Variants in TGFA observed in about 807,000 individuals in gnomAD.
TGFA encodes transforming growth factor alpha.
In TGFA, 12 loss-of-function variants were observed where a neutral mutation model predicts 21.7. The observed-to-expected ratio is 0.55, with a 90% confidence interval of 0.35 to 0.90. The LOEUF (loss-of-function observed/expected upper bound fraction) is 0.90, where lower values mean the gene tolerates loss of function less well. TGFA is among the 40% of genes least tolerant of loss of function. The pLI is 0.01. For missense variants in TGFA, 178 were observed against 210.8 expected, an observed-to-expected ratio of 0.84 and a Z score of 0.96; for synonymous variants, 79 against 88.1, an observed-to-expected ratio of 0.90 and a Z score of 0.58.
intron 2 of TGFA, among the ~76,000 whole-genome samples, chr2:70,498,430 C>T (rs782250556): frequency 6.6e-6 from 1 of 152,122 alleles, no homozygotes; most frequent in Non-Finnish European, 1.5e-5. Flanking sequence ...AGGTTTGAGG[C>T]ACCAGTTTCA....
chr2:70,518,206 A>T (rs1553501848), intron 1 of TGFA, among the ~76,000 whole-genome samples: 1 of 152,230 alleles, frequency 6.6e-6, no homozygotes, highest in African/African-American at 2.4e-5. Context: ...GGCTTCTAGG[A>T]ATCCCTTCTA....
chr2:70,507,165 G>A (rs374121258), intron 2 of TGFA, among the ~76,000 whole-genome samples: 5 of 152,224 alleles, frequency 3.3e-5, no homozygotes, highest in East Asian at 3.9e-4. Context: ...CGTACTGCCT[G>A]AGCCTCGGAG....
At chr2:70,485,669 C>T (rs1201727732) in intron 2 of TGFA, among the ~76,000 whole-genome samples, 1 of 152,188 alleles carries the variant, frequency 6.6e-6, no homozygotes, top group African/African-American at 2.4e-5. Flanking sequence ...TTTTCCCTCC[C>T]TGCAATTTCA....
intron 2 of TGFA, among the ~76,000 whole-genome samples, chr2:70,472,708 G>T (rs935241394): frequency 1.3e-5 from 2 of 152,196 alleles, no homozygotes; most frequent in Non-Finnish European, 2.9e-5. Context: ...AGCCCTAATT[G>T]GACTTCATGC....
rs186844400 is a variant in TGFA at position 70,513,106 on chromosome 2, T to C, written c.94+1753A>G. ...AAAACACAGGAGGCTTCTTAGCCCA[T>C]GGAGATGCGTGGAGATCATAGTGAC... On this transcript the variant is annotated intron_variant, in intron 2 of 5. Coordinates refer to ENST00000295400, the MANE Select transcript of TGFA (RefSeq NM_003236.4). 1.5e-3 allele frequency among the ~76,000 whole-genome samples: 226 copies of C among 152,276 alleles called. 2 individuals are homozygous for C. Among genetic ancestry groups the C allele is most frequent in the African/African-American group, 5.1e-3 (214 of 41,558 alleles).
chr2:70,517,160 T>A (rs1672308076), intron 1 of TGFA, among the ~76,000 whole-genome samples: 1 of 152,218 alleles, frequency 6.6e-6, no homozygotes, highest in Non-Finnish European at 1.5e-5. Context: ...CACAGAGGTG[T>A]TTTGGGAATG....
chr2:70,531,203 G>A (rs982777701), intron 1 of TGFA, among the ~76,000 whole-genome samples: 10 of 152,152 alleles, frequency 6.6e-5, no homozygotes, highest in Admixed American at 3.3e-4. Flanking sequence ...AGACCTGAAC[G>A]TCCACACAGA....
chr2:70,497,240 C>CTCT (rs1671603318), intron 2 of TGFA, among the ~76,000 whole-genome samples: 1 of 152,216 alleles, frequency 6.6e-6, no homozygotes, highest in Non-Finnish European at 1.5e-5. Context: ...TTGGACTTTA[C>CTCT]TCTGAGAGTA....
At chr2:70,537,988 G>A (rs1252661415) in intron 1 of TGFA, among the ~76,000 whole-genome samples, 1 of 152,114 alleles carries the variant, frequency 6.6e-6, no homozygotes, top group African/African-American at 2.4e-5. Context: ...TCTTGTTAGG[G>A]GCTAATGCAG....
At chr2:70,523,742 C>T (rs1309856246) in intron 1 of TGFA, among the ~76,000 whole-genome samples, 2 of 152,138 alleles carry the variant, frequency 1.3e-5, no homozygotes, top group African/African-American at 2.4e-5. Context: ...CATTTCCCAC[C>T]ATTACTGATT....
At chr2:70,504,250 A>C (rs939861930) in intron 2 of TGFA, among the ~76,000 whole-genome samples, 1 of 151,236 alleles carries the variant, frequency 6.6e-6, no homozygotes, top group Non-Finnish European at 1.5e-5. Flanking sequence ...CACCTCTAAA[A>C]AAACACAAAA....
intron 2 of TGFA, among the ~76,000 whole-genome samples, chr2:70,482,761 G>A (rs540056528): frequency 7.3e-5 from 11 of 151,520 alleles, no homozygotes; most frequent in African/African-American, 2.7e-4. Flanking sequence ...CAATACTTCA[G>A]CTATCATTCT....
intron 1 of TGFA, among the ~76,000 whole-genome samples, chr2:70,548,992 CTCTA>C (rs1673400470): frequency 6.6e-6 from 1 of 152,188 alleles, no homozygotes; most frequent in Non-Finnish European, 1.5e-5. Context: ...CCCAATCTTC[CTCTA>C]TCTAAGTGCA....
intron 1 of TGFA, among the ~76,000 whole-genome samples, chr2:70,538,470 T>A (rs1673038689): frequency 1.3e-5 from 2 of 152,250 alleles, no homozygotes; most frequent in Non-Finnish European, 2.9e-5. Context: ...AGAACATTTG[T>A]AATTCATGGG....
intron 2 of TGFA, among the ~76,000 whole-genome samples, chr2:70,471,725 G>A (rs1308119848): frequency 6.6e-6 from 1 of 152,096 alleles, no homozygotes; most frequent in South Asian, 2.1e-4. Flanking sequence ...TACATCATCC[G>A]CCAAGTCGAG....
In TGFA at chr2:70,454,713, G is replaced by A. The variant is rs1670171796; in HGVS notation, c.366-1386C>T. ...AGCCAGCAGCCTGGCAGGAGTGAGAGCTTAGTCTCTGGCTCATGGATTCTG... is the reference window on the plus strand; with the variant it reads ...AGCCAGCAGCCTGGCAGGAGTGAGAACTTAGTCTCTGGCTCATGGATTCTG... On this transcript the variant is annotated intron_variant, in intron 4 of 5. Transcript: ENST00000295400. 2.0e-5 allele frequency among the ~76,000 whole-genome samples: 3 copies of A among 152,188 alleles called. No homozygotes were observed. The South Asian group carries it at 6.2e-4, about 32-fold the overall frequency.
At chr2:70,472,493 C>G (rs1670784299) in intron 2 of TGFA, among the ~76,000 whole-genome samples, 1 of 152,180 alleles carries the variant, frequency 6.6e-6, no homozygotes, top group Admixed American at 6.5e-5. Context: ...GACCCACTAA[C>G]AGGGCCTGGA....
intron 1 of TGFA, among the ~76,000 whole-genome samples, chr2:70,534,280 T>C (rs184488125): frequency 1.3e-5 from 2 of 152,386 alleles, no homozygotes; most frequent in East Asian, 1.9e-4. Context: ...TATTAGCAAC[T>C]GTGCTCTCGC....
intron 5 of TGFA, chr2:70,451,826 C>G: frequency 1.5e-6 from 1 of 675,018 alleles, no homozygotes; most frequent in East Asian, 2.7e-5. Context: ...CCCACTGATT[C>G]CCAGTGGGAC....
Sources: gnomAD v4.1 joint callset for allele counts (sites outside exome capture counted in the v4.1 genomes callset) on GRCh38, gnomAD v4.1.1 for gene constraint, MANE v1.5 for transcripts, NCBI Gene and HGNC (gene_info 2026-07-23, HGNC 2026-07-21) for gene names.